The following ZNF212 variants were observed in gnomAD, a reference collection of about 807,000 sequenced individuals.
ZNF212 encodes the protein Zinc finger protein C2H2-150.
ZNF212 carries 32 observed loss-of-function variants against 47.3 expected under a neutral mutation model. The observed-to-expected ratio is 0.68, with a 90% CI of 0.51 to 0.91. The LOEUF (loss-of-function observed/expected upper bound fraction) is 0.91, where lower values mean the gene tolerates loss of function less well. Ranked by LOEUF, ZNF212 falls within the 40% of genes least tolerant of loss-of-function variation. The pLI is 0.00. For synonymous variants in ZNF212, 242 were observed against 253.8 expected (o/e 0.95, Z 0.44); for missense variants, 555 against 622.8 (o/e 0.89, Z 1.16).
chr7:149,253,216 A>T (rs938127022), intron 4 of ZNF212, among the ~76,000 whole-genome samples: 11 of 152,080 alleles, frequency 7.2e-5, no homozygotes, highest in African/African-American at 2.4e-4. Flanking sequence ...TAATCATTCA[A>T]ATTTGTTATT....
chr7:149,239,948 T>G, intron 1 of ZNF212, 146 bp downstream of exon 1: 6 of 944,924 alleles, frequency 6.3e-6, no homozygotes, highest in Non-Finnish European at 8.4e-6. Context: ...ACCCTCCTCT[T>G]CGCGACCCCA....
At chr7:149,248,594 T>G (rs1310389985) in intron 1 of ZNF212, among the ~76,000 whole-genome samples, 1 of 152,194 alleles carries the variant, frequency 6.6e-6, no homozygotes, top group Admixed American at 6.5e-5. Context: ...GGCTTATTCC[T>G]TTGCACAGAT....
intron 3 of ZNF212, chr7:149,251,161 G>GT: frequency 4.0e-6 from 1 of 252,184 alleles, no homozygotes; most frequent in Non-Finnish European, 7.5e-6. Context: ...TCCTCATGTT[G>GT]TTTTTTAATT....
At chr7:149,243,689 T>C (rs1286792612) in intron 1 of ZNF212, among the ~76,000 whole-genome samples, 1 of 152,256 alleles carries the variant, frequency 6.6e-6, no homozygotes, top group East Asian at 1.9e-4. Context: ...AGCCTAAAAA[T>C]ATATAAAACA....
intron 1 of ZNF212, among the ~76,000 whole-genome samples, chr7:149,242,162 C>T (rs1291802643): frequency 6.6e-6 from 1 of 151,374 alleles, no homozygotes; most frequent in African/African-American, 2.4e-5. Flanking sequence ...GCTGGGATTA[C>T]AGGCATGCGT....
At chr7:149,249,204 T>C (rs1205933218) in intron 1 of ZNF212, among the ~76,000 whole-genome samples, 1 of 152,216 alleles carries the variant, frequency 6.6e-6, no homozygotes, top group Non-Finnish European at 1.5e-5. Context: ...GTGAAAATTA[T>C]AAGGAAAATG....
chr7:149,242,720 A>G (rs904353465), intron 1 of ZNF212, among the ~76,000 whole-genome samples: 1 of 152,194 alleles, frequency 6.6e-6, no homozygotes, highest in Non-Finnish European at 1.5e-5. Context: ...AAACGTAACA[A>G]TTTCTTGTTG....
rs1301632666 is a variant in ZNF212 at position 149,250,433 on chromosome 7, T to A, written c.299T>A (p.Leu100Gln). The stretch of plus-strand genomic sequence containing the variant: ...GGCAAGTGGGCCGTGCTGGGGACCC[T>A]GCTGCAGGAGTATGGGCTACTGCAG... ...LEGKWAVLGTLLQEYGLLQRR... is the reference protein window; with the variant it reads ...LEGKWAVLGTQLQEYGLLQRR... Residue 100 changes from leucine to glutamine, a missense_variant, in exon 2 of 5, where the codon CTG becomes CAG. By Grantham distance (113) the Leu-to-Gln change is moderately radical. Coordinates refer to ENST00000335870, the MANE Select transcript of ZNF212 (RefSeq NM_012256.4). The A allele has an allele frequency of 1.6e-5, 26 of 1,614,152 alleles. No homozygotes were observed. The highest frequency in any genetic ancestry group is 2.2e-5 in the Non-Finnish European group (26 of 1,180,020).
intron 4 of ZNF212, among the ~76,000 whole-genome samples, chr7:149,253,206 T>A (rs1283740651): frequency 6.6e-6 from 1 of 152,156 alleles, no homozygotes; most frequent in Non-Finnish European, 1.5e-5. Flanking sequence ...AGTTTGTCTT[T>A]AATCATTCAA....
chr7:149,240,382 A>ACCCCCCCCCCCCCCCCCCCCCCCCC (rs71194632), intron 1 of ZNF212, among the ~76,000 whole-genome samples: 7 of 109,350 alleles, frequency 6.4e-5, no homozygotes, highest in Non-Finnish European at 9.7e-5. Context: ...TCTCTCCTTC[A>ACCCCCCCCCCCCCCCCCCCCCCCCC]CCCCCCCCCC....
chr7:149,253,722 T>C lies in ZNF212; in HGVS notation c.795T>C (p.Pro265=), dbSNP rs2129524420. 6.2e-7 allele frequency: 1 copy of C among 1,614,146 alleles called. No individual in the cohort carries two copies. Among genetic ancestry groups the C allele is most frequent in the East Asian group, 2.2e-5 (1 of 44,888 alleles). Reference sequence around the variant, plus strand: ...GTTCTGTCCTCTTGGAAACAGGTCCTGGGGACTCTACTCTAGAGGAGCCTG... The same window carrying C: ...GTTCTGTCCTCTTGGAAACAGGTCCCGGGGACTCTACTCTAGAGGAGCCTG... The part of the protein sequence containing the change: ...QGSSVLLETG[P]GDSTLEEPVG... Residue 265 remains proline, a synonymous_variant, in exon 5 of 5, where the codon CCT becomes CCC. Coordinates refer to ENST00000335870, the MANE Select transcript of ZNF212 (RefSeq NM_012256.4).
chr7:149,244,602 T>C (rs764170057), intron 1 of ZNF212, among the ~76,000 whole-genome samples: 186 of 152,328 alleles, frequency 1.2e-3, no homozygotes, highest in Admixed American at 2.8e-3. Flanking sequence ...CGTGAGCCAC[T>C]GCACCTGGCC....
chr7:149,242,006 T>TTTTTC (rs1000128124), intron 1 of ZNF212, among the ~76,000 whole-genome samples: 1 of 148,608 alleles, frequency 6.7e-6, no homozygotes, highest in Non-Finnish European at 1.5e-5. Context: ...TCTTTTCTTC[T>TTTTTC]TTTTCTTTTC....
intron 1 of ZNF212, among the ~76,000 whole-genome samples, chr7:149,248,964 T>C (rs1156795377): frequency 6.6e-6 from 1 of 152,214 alleles, no homozygotes. Context: ...TTCCGAGATA[T>C]TTCCTCTAGT....
Position 149,252,773 on chromosome 7 carries a change from A to G in ZNF212, c.609A>G (p.Glu203=), listed in dbSNP as rs760735082. 6.2e-7 allele frequency: 1 copy of G among 1,614,036 alleles called. No homozygotes were observed. Among genetic ancestry groups the G allele is most frequent in the East Asian group, 2.2e-5 (1 of 44,854 alleles). Residue 203 remains glutamate, a synonymous_variant, in exon 4 of 5, where the codon GAA becomes GAG. Transcript: ENST00000335870. ...GTEMLGDLEE[E]GPGGAHPAGG... ...AGATGCTGGGTGACTTGGAAGAGGA[A>G]GGTCCTGGTGGTGCCCACCCAGGTG...
At chr7:149,250,595 C>G in intron 2 of ZNF212, 47 bp downstream of exon 2, 2 of 1,605,006 alleles carry the variant, frequency 1.2e-6, no homozygotes, top group Non-Finnish European at 1.7e-6. Context: ...GGGAGCCAGC[C>G]CTTTAATATG....
intron 3 of ZNF212, among the ~76,000 whole-genome samples, 169 bp downstream of exon 3, chr7:149,250,976 G>A (rs963266807): frequency 2.0e-5 from 3 of 152,036 alleles, no homozygotes; most frequent in Non-Finnish European, 2.9e-5. Context: ...AGACCTGCAC[G>A]GGTGGAGAAA....
At chr7:149,240,171 C>T (rs866520417) in intron 1 of ZNF212, 32 of 229,816 alleles carry the variant, frequency 1.4e-4, no homozygotes, top group African/African-American at 5.2e-4. Context: ...AGTGAGCTCT[C>T]CCGCTGCCCG....
At chr7:149,246,385 C>CTTT (rs879770541) in intron 1 of ZNF212, among the ~76,000 whole-genome samples, 1 of 143,700 alleles carries the variant, frequency 7.0e-6, no homozygotes, top group Non-Finnish European at 1.5e-5. Flanking sequence ...TATAATCAGT[C>CTTT]TTTTTTTTTT....
Sources: gnomAD v4.1 joint callset for allele counts (sites outside exome capture counted in the v4.1 genomes callset) on GRCh38, gnomAD v4.1.1 for gene constraint, MANE v1.5 for transcripts, NCBI Gene and HGNC (gene_info 2026-07-23, HGNC 2026-07-21) for gene names.